The following JCAD variants were observed in gnomAD, a reference collection of about 807,000 sequenced individuals.
JCAD encodes the protein junctional cadherin 5 associated, also known as junctional cadherin 5-associated protein.
Under a neutral mutation model 98.0 loss-of-function variants are expected in JCAD, and 40 were observed. The ratio of observed to expected loss-of-function variants is 0.41; its 90% CI spans 0.32 to 0.53. The LOEUF (loss-of-function observed/expected upper bound fraction) is 0.53. JCAD is among the 20% of genes least tolerant of loss of function. JCAD has a pLI of 0.31. For missense variants in JCAD, 1,705 were observed against 1,738.1 expected (o/e 0.98, Z 0.34); for synonymous variants, 691 against 682.3 (o/e 1.01, Z -0.20).
At chr10:30,038,582 C>G (rs910525517) in intron 2 of JCAD, among the ~76,000 whole-genome samples, 1 of 150,100 alleles carries the variant, frequency 6.7e-6, no homozygotes, top group Non-Finnish European at 1.5e-5. Flanking sequence ...CCTAGCTACT[C>G]GAGATGAGCG....
chr10:30,025,638 T>C (rs1314059933), intron 3 of JCAD, among the ~76,000 whole-genome samples: 1 of 149,092 alleles, frequency 6.7e-6, no homozygotes, highest in Admixed American at 6.8e-5. Context: ...TGTGGATCTT[T>C]TGACATTTAT....
At chr10:30,066,474 AG>A (rs1837786173) in intron 2 of JCAD, among the ~76,000 whole-genome samples, 1 of 152,172 alleles carries the variant, frequency 6.6e-6, no homozygotes, top group Non-Finnish European at 1.5e-5. Context: ...CCCTGCCTGC[AG>A]TTTATAAAAT....
Position 30,031,089 on chromosome 10 carries a change from G to C in JCAD, c.282-1223C>G, listed in dbSNP as rs1029436226. 2.6e-5 allele frequency among the ~76,000 whole-genome samples: 4 copies of C among 151,346 alleles called. No homozygotes were observed. In the South Asian group the frequency reaches 8.3e-4, roughly 31 times the overall value. ...TCCCACTGAAAGTTCAGACTTGGTA[G>C]GTCTGGGTTAGGGCCCAGGCATTTG... On this transcript the variant is annotated intron_variant, in intron 2 of 3. Coordinates refer to ENST00000375377, the MANE Select transcript of JCAD (RefSeq NM_020848.4).
Position 30,027,934 on chromosome 10 carries a change from G to T in JCAD, c.2214C>A (p.Thr738=). ...SEAQTHTAFP[T]GDHKQRPSAR... ...CACTTGGCCTCTGTTTGTGATCACC[G>T]GTAGGGAATGCTGTGTGCGTCTGAG... The change falls in exon 3 of 4, where the codon ACC becomes ACA. Residue 738 remains threonine (T), a synonymous_variant. Coordinates refer to ENST00000375377, the MANE Select transcript of JCAD (RefSeq NM_020848.4). The T allele has an allele frequency of 1.2e-6, 2 of 1,614,224 alleles. No individual in the cohort carries two copies. Among genetic ancestry groups the T allele is most frequent in the South Asian group, 1.1e-5 (1 of 91,088 alleles).
chr10:30,104,873 G>A (rs907272445), intron 1 of JCAD, among the ~76,000 whole-genome samples: 15 of 151,754 alleles, frequency 9.9e-5, no homozygotes, highest in African/African-American at 3.4e-4. Context: ...GTTGGGGGTT[G>A]GCTGAAAAAT....
intron 1 of JCAD, among the ~76,000 whole-genome samples, chr10:30,113,549 A>C (rs1297132286): frequency 1.5e-5 from 1 of 64,914 alleles, no homozygotes; most frequent in Non-Finnish European, 2.8e-5. Context: ...AGACACTGTC[A>C]AAAAAAAAAA....
intron 1 of JCAD, among the ~76,000 whole-genome samples, chr10:30,086,139 A>ATTTTTTTAT (rs1554801854): frequency 1.3e-5 from 2 of 152,096 alleles, no homozygotes; most frequent in Non-Finnish European, 2.9e-5. Context: ...TTAAAAAATT[A>ATTTTTTTAT]TTTTTTTAAA....
chr10:30,108,481 A>G (rs926761863), intron 1 of JCAD, among the ~76,000 whole-genome samples: 4 of 152,182 alleles, frequency 2.6e-5, no homozygotes, highest in Non-Finnish European at 4.4e-5. Flanking sequence ...GGCGACGAGA[A>G]TTTTATCAGA....
intron 1 of JCAD, among the ~76,000 whole-genome samples, chr10:30,093,074 A>G (rs766448342): frequency 1.3e-4 from 20 of 152,284 alleles, no homozygotes; most frequent in Non-Finnish European, 2.1e-4. Flanking sequence ...AAACAATTGG[A>G]AAAAAAGAAT....
rs375924670 is a variant in JCAD, at chr10:30,048,668, C to G, written c.-59-797G>C. 2.6e-5 allele frequency among the ~76,000 whole-genome samples: 4 copies of G among 152,174 alleles called. No homozygotes were observed. The East Asian group carries it at 7.7e-4, about 29-fold the overall frequency. On this transcript the variant is annotated intron_variant, in intron 1 of 3. Transcript: ENST00000375377. ...GCAACCTCCACCTCCTGGGTTCAAG[C>G]GATTCTCCTGCCTCAGCCTCTCGAG...
At chr10:30,020,397 G>A (rs1338361120) in intron 3 of JCAD, among the ~76,000 whole-genome samples, 5 of 151,080 alleles carry the variant, frequency 3.3e-5, no homozygotes, top group East Asian at 1.9e-4. Context: ...CTGGACAACT[G>A]TGCATTAAAA....
chr10:30,064,195 G>A (rs1403967010), upstream of JCAD, among the ~76,000 whole-genome samples: 1 of 152,086 alleles, frequency 6.6e-6, no homozygotes, highest in East Asian at 1.9e-4. Flanking sequence ...AGATTAATGG[G>A]TTAATGGATT....
chr10:30,102,274 T>C (rs1357012555), intron 1 of JCAD, among the ~76,000 whole-genome samples: 1 of 152,154 alleles, frequency 6.6e-6, no homozygotes, highest in Non-Finnish European at 1.5e-5. Context: ...GTTCAAGCAA[T>C]TCTCCTGCCT....
rs1836911681 is a variant in JCAD, at chr10:30,028,832, G to A, written c.1316C>T (p.Pro439Leu). The A allele has an allele frequency of 6.2e-7, 1 of 1,614,086 alleles. No homozygotes were observed. Among genetic ancestry groups the A allele is most frequent in the African/African-American group, 1.3e-5 (1 of 74,916 alleles). The change falls in exon 3 of 4, where the codon CCC becomes CTC. Residue 439 changes from proline to leucine, a missense_variant. Pro to Leu is a moderately conservative substitution (Grantham distance 98). Transcript: ENST00000375377. ...CTTTATGTCTTCACAGAAACCCTGG[G>A]GCTGAGCTAGTTTAAAATGTCGTAA... ...PRLRHFKLAQPQGFCEDIKLD... is the reference protein window; with the variant it reads ...PRLRHFKLAQLQGFCEDIKLD...
chr10:30,091,645 A>G (rs1392511059), intron 1 of JCAD, among the ~76,000 whole-genome samples: 1 of 151,244 alleles, frequency 6.6e-6, no homozygotes, highest in Non-Finnish European at 1.5e-5. Flanking sequence ...CAGGCAAAAT[A>G]CTAAAAACAG....
chr10:30,018,482 T>C (rs1022584652), intron 3 of JCAD, among the ~76,000 whole-genome samples: 1 of 152,176 alleles, frequency 6.6e-6, no homozygotes, highest in Non-Finnish European at 1.5e-5. Flanking sequence ...GATGCTCACC[T>C]GTCAGCGCAA....
chr10:30,069,446 CAAAAAAA>C (rs35069678), intron 2 of JCAD, among the ~76,000 whole-genome samples: 1,169 of 105,602 alleles, frequency 0.011, 21 homozygotes, highest in African/African-American at 0.037. Context: ...AGAAAATTTA[CAAAAAAA>C]AAAAAAAAAA....
chr10:30,098,734 T>A (rs1391724014), intron 1 of JCAD, among the ~76,000 whole-genome samples: 2 of 152,266 alleles, frequency 1.3e-5, no homozygotes, highest in Non-Finnish European at 2.9e-5. Context: ...TCATATTCTC[T>A]TTGAGTGCCA....
chr10:30,076,530 T>A (rs1052337651), intron 1 of JCAD, among the ~76,000 whole-genome samples: 1 of 152,218 alleles, frequency 6.6e-6, no homozygotes, highest in African/African-American at 2.4e-5. Context: ...ATTTTCAGTA[T>A]CTTAATTCCC....
Sources: allele counts gnomAD v4.1 joint callset (sites outside exome capture counted in the v4.1 genomes callset), GRCh38; gene constraint gnomAD v4.1.1; transcripts MANE v1.5; gene names NCBI Gene and HGNC (gene_info 2026-07-23, HGNC 2026-07-21).